The following SPEF2 variants were observed in gnomAD, a reference collection of about 807,000 sequenced individuals.
SPEF2 encodes sperm flagella and cilia-associated protein 2.
In SPEF2, 187 loss-of-function variants were observed where a neutral mutation model predicts 224.6. The observed-to-expected ratio is 0.83, with a 90% CI of 0.74 to 0.94. The LOEUF (loss-of-function observed/expected upper bound fraction) is 0.94. SPEF2 is among the 40% of genes least tolerant of loss of function. The pLI, the probability that SPEF2 is intolerant of heterozygous loss-of-function variation, is 0.00. For missense variants in SPEF2, 2,170 were observed against 2,135.6 expected, an observed-to-expected ratio of 1.02 and a Z score of -0.32; for synonymous variants, 715 against 707.3, an observed-to-expected ratio of 1.01 and a Z score of -0.17.
intron 10 of SPEF2, among the ~76,000 whole-genome samples, chr5:35,688,254 CTT>C (rs996697054): frequency 2.0e-5 from 3 of 151,818 alleles, no homozygotes; most frequent in African/African-American, 7.3e-5. Context: ...CTTTCTTTTT[CTT>C]ATTTTGTTGC....
chr5:35,795,967 G>C (rs1756604434), intron 33 of SPEF2, among the ~76,000 whole-genome samples, 172 bp downstream of exon 33: 1 of 152,170 alleles, frequency 6.6e-6, no homozygotes, highest in South Asian at 2.1e-4. Flanking sequence ...GTGTAGAGAA[G>C]TTCTGGGGAG....
chr5:35,779,174 G>A lies in SPEF2; in HGVS notation c.4275G>A (p.Gln1425=), dbSNP rs1320838435. Residue 1425 remains glutamine (Q), a synonymous_variant, in exon 30 of 37, where the codon CAG becomes CAA. Transcript: ENST00000356031. ...RYHIETSTKI[Q]NELYLSQEDF... ...ACATTGAAACATCTACAAAAATTCA[G>A]AATGAACTTTATTTAAGCCAAGAAG... 6.8e-6 allele frequency: 11 copies of A among 1,613,630 alleles called. No individual in the cohort carries two copies. Among genetic ancestry groups the A allele is most frequent in the Non-Finnish European group, 9.3e-6 (11 of 1,179,856 alleles).
chr5:35,799,046 C>T (rs1757063044), intron 33 of SPEF2, among the ~76,000 whole-genome samples: 1 of 152,088 alleles, frequency 6.6e-6, no homozygotes, highest in Non-Finnish European at 1.5e-5. Context: ...GAGGAAATAC[C>T]CTCTGACTCT....
intron 6 of SPEF2, among the ~76,000 whole-genome samples, chr5:35,653,781 A>G (rs974314862): frequency 6.6e-6 from 1 of 150,964 alleles, no homozygotes; most frequent in African/African-American, 2.4e-5. Flanking sequence ...CCCTGTCTCT[A>G]CTAAAAATAC....
intron 21 of SPEF2, among the ~76,000 whole-genome samples, chr5:35,730,003 G>A (rs368560555): frequency 1.3e-5 from 2 of 152,072 alleles, no homozygotes; most frequent in East Asian, 1.9e-4. Context: ...GCATGAAAAC[G>A]GACTAATACA....
intron 2 of SPEF2, among the ~76,000 whole-genome samples, chr5:35,635,756 T>G (rs1236806319): frequency 1.3e-5 from 2 of 152,224 alleles, no homozygotes; most frequent in Non-Finnish European, 2.9e-5. Context: ...TCTTTATATT[T>G]TATTTTCACA....
chr5:35,711,831 G>A (rs574854511), intron 19 of SPEF2, among the ~76,000 whole-genome samples: 2 of 152,040 alleles, frequency 1.3e-5, no homozygotes, highest in African/African-American at 2.4e-5. Context: ...AAAAAAATAG[G>A]TTAAAGGGAG....
intron 1 of SPEF2, 51 bp from the exon 2 acceptor site, chr5:35,628,409 C>G (rs1261991849): frequency 8.3e-7 from 1 of 1,211,648 alleles, no homozygotes; most frequent in Non-Finnish European, 1.2e-6. Flanking sequence ...ATCATTAGCT[C>G]TATGCGCAAC....
rs200344955 is a variant in SPEF2 at position 35,659,077 on chromosome 5, G to T, written c.1037G>T (p.Arg346Leu). The change falls in exon 8 of 37, where the codon CGC (arginine) becomes CTC (leucine). Residue 346 changes from arginine (R) to leucine (L), a missense_variant. Arg to Leu is a moderately radical substitution (Grantham distance 102, BLOSUM62 -2). Coordinates refer to ENST00000356031, the MANE Select transcript of SPEF2 (RefSeq NM_024867.4). Reference sequence around the variant, plus strand: ...CTGATGCGGCAGTCCCAGCAGGAGCGCAGGATTGCCGTGCAGCTCATGCAT... The same window carrying T: ...CTGATGCGGCAGTCCCAGCAGGAGCTCAGGATTGCCGTGCAGCTCATGCAT... The part of the protein sequence containing the change: ...NRLMRQSQQE[R>L]RIAVQLMHVR... 9 of 1,609,806 alleles carry T rather than the reference G, an allele frequency of 5.6e-6. No individual in the cohort carries two copies. Among genetic ancestry groups the T allele is most frequent in the Non-Finnish European group, 7.6e-6 (9 of 1,177,300 alleles).
In SPEF2 at chr5:35,767,869, AC is replaced by A. The variant is rs1752294746; in HGVS notation, c.3802-3739del. Among the ~76,000 whole-genome samples the A allele has an allele frequency of 1.3e-5, 2 of 152,006 alleles. 1 individual carries two copies. The highest frequency in any genetic ancestry group is 4.2e-4 in the South Asian group (2 of 4,818). ...TCTCCACTTGCCATCATAGAATCTCACACCCTTGACCTTCTTTAGGTCTTCA... is the reference window on the plus strand; with the variant it reads ...TCTCCACTTGCCATCATAGAATCTCAACCCTTGACCTTCTTTAGGTCTTCA... On this transcript the variant is annotated intron_variant, in intron 26 of 36. Coordinates refer to ENST00000356031, the MANE Select transcript of SPEF2 (RefSeq NM_024867.4).
intron 33 of SPEF2, among the ~76,000 whole-genome samples, chr5:35,796,262 A>G (rs184739520): frequency 2.6e-5 from 4 of 152,188 alleles, no homozygotes; most frequent in Non-Finnish European, 4.4e-5. Flanking sequence ...CCTCAATAAT[A>G]GCATCTTATG....
chr5:35,743,627 T>A (rs1054806897), intron 23 of SPEF2, among the ~76,000 whole-genome samples: 4 of 152,176 alleles, frequency 2.6e-5, no homozygotes, highest in African/African-American at 7.2e-5. Context: ...TTAGTATAAA[T>A]CCTTGTATCA....
intron 2 of SPEF2, among the ~76,000 whole-genome samples, chr5:35,640,759 G>A (rs1034627152): frequency 1.3e-5 from 2 of 152,078 alleles, no homozygotes; most frequent in African/African-American, 4.8e-5. Context: ...AGAGTTACTA[G>A]TACACAGAGG....
At chr5:35,632,284 C>A (rs965798073) in intron 2 of SPEF2, among the ~76,000 whole-genome samples, 2 of 152,160 alleles carry the variant, frequency 1.3e-5, no homozygotes, top group African/African-American at 4.8e-5. Context: ...GCTGGGGAGG[C>A]CTCAGGAAAC....
chr5:35,740,718 T>A (rs1397894946), intron 23 of SPEF2, among the ~76,000 whole-genome samples: 2 of 152,168 alleles, frequency 1.3e-5, no homozygotes, highest in Non-Finnish European at 2.9e-5. Flanking sequence ...ACTACACATC[T>A]TTGTATCTCC....
intron 7 of SPEF2, among the ~76,000 whole-genome samples, chr5:35,656,124 G>A (rs957430653): frequency 2.0e-4 from 30 of 152,126 alleles, no homozygotes; most frequent in African/African-American, 6.8e-4. Flanking sequence ...GATGGCTGGA[G>A]GTGTAATTTG....
intron 10 of SPEF2, among the ~76,000 whole-genome samples, chr5:35,686,676 TG>T (rs1753676227): frequency 6.6e-6 from 1 of 152,132 alleles, no homozygotes. Flanking sequence ...AGGCAAAATA[TG>T]GTACATCATT....
In SPEF2 at chr5:35,745,696, CA is replaced by C. The variant is rs1285127059; in HGVS notation, c.3330+5430del. 3.9e-5 allele frequency among the ~76,000 whole-genome samples: 6 copies of C among 152,306 alleles called. No individual in the cohort carries two copies. The East Asian group carries it at 1.2e-3, about 29-fold the overall frequency. ...CACCCAAGGAGAATCTGAGCTCAGACATGCTTAGCTCTGCCACACCTGATGG... is the reference window on the plus strand; with the variant it reads ...CACCCAAGGAGAATCTGAGCTCAGACTGCTTAGCTCTGCCACACCTGATGG... On this transcript the variant is annotated intron_variant, in intron 23 of 36. Coordinates refer to ENST00000356031, the MANE Select transcript of SPEF2 (RefSeq NM_024867.4).
intron 23 of SPEF2, among the ~76,000 whole-genome samples, chr5:35,747,276 CA>C (rs200002732): frequency 2.0e-5 from 3 of 151,478 alleles, no homozygotes; most frequent in South Asian, 2.1e-4. Flanking sequence ...CCAAAACAAA[CA>C]AAAAAAACCA....
Sources: allele counts gnomAD v4.1 joint callset (sites outside exome capture counted in the v4.1 genomes callset), GRCh38; gene constraint gnomAD v4.1.1; transcripts MANE v1.5; gene names NCBI Gene and HGNC (gene_info 2026-07-23, HGNC 2026-07-21).